The following NKAIN2 variants were observed in gnomAD, a reference collection of about 807,000 sequenced individuals.
NKAIN2 encodes the protein sodium/potassium-transporting ATPase subunit beta-1-interacting protein 2.
Under a neutral mutation model 32.6 loss-of-function variants are expected in NKAIN2, and 14 were observed. The ratio of observed to expected loss-of-function variants is 0.43; its 90% CI spans 0.28 to 0.67. NKAIN2 has a LOEUF of 0.67. Among genes scored for constraint, NKAIN2 ranks in the 30% least tolerant of loss-of-function variants. The pLI is 0.17. For missense variants in NKAIN2, 198 were observed against 258.3 expected, an observed-to-expected ratio of 0.77 and a Z score of 1.60; for synonymous variants, 80 against 87.2, an observed-to-expected ratio of 0.92 and a Z score of 0.46.
intron 3 of NKAIN2, among the ~76,000 whole-genome samples, chr6:124,593,298 C>G (rs1339726917): frequency 1.3e-5 from 2 of 152,058 alleles, no homozygotes; most frequent in Non-Finnish European, 2.9e-5. Flanking sequence ...CAGCATTCTT[C>G]TTATTCTGCA....
intron 1 of NKAIN2, among the ~76,000 whole-genome samples, chr6:123,987,153 TAAG>T (rs1303150760): frequency 1.3e-5 from 2 of 152,130 alleles, no homozygotes; most frequent in African/African-American, 4.8e-5. Flanking sequence ...GCTTCAAAAA[TAAG>T]AAATAGAGAA....
At chr6:124,432,436 C>T (rs975018141) in intron 3 of NKAIN2, among the ~76,000 whole-genome samples, 1 of 151,830 alleles carries the variant, frequency 6.6e-6, no homozygotes, top group Non-Finnish European at 1.5e-5. Flanking sequence ...TTTTAGAGAG[C>T]TCTATTTAAA....
At chr6:124,202,239 A>G (rs1277182770) in intron 1 of NKAIN2, among the ~76,000 whole-genome samples, 1 of 151,946 alleles carries the variant, frequency 6.6e-6, no homozygotes, top group Non-Finnish European at 1.5e-5. Flanking sequence ...TGCACCTGTA[A>G]ATATATTACT....
At chr6:124,710,143 G>C (rs941012814) in intron 4 of NKAIN2, among the ~76,000 whole-genome samples, 7 of 151,494 alleles carry the variant, frequency 4.6e-5, no homozygotes, top group Non-Finnish European at 8.9e-5. Flanking sequence ...GAGCGGTTTT[G>C]AGTGAGATTC....
At chr6:124,749,883 C>A (rs1260649900) in intron 4 of NKAIN2, among the ~76,000 whole-genome samples, 4 of 151,720 alleles carry the variant, frequency 2.6e-5, no homozygotes, top group African/African-American at 7.3e-5. Flanking sequence ...TATAATACAC[C>A]AAAATACTTG....
At chr6:124,320,615 A>G (rs2626120) in intron 2 of NKAIN2, among the ~76,000 whole-genome samples, 64,496 of 152,130 alleles carry the variant, frequency 0.42, 18,501 homozygotes, top group African/African-American at 0.82. Context: ...TTTGTTTATC[A>G]GTAAATCTAT....
intron 4 of NKAIN2, among the ~76,000 whole-genome samples, chr6:124,753,246 T>C (rs1777809838): frequency 6.6e-6 from 1 of 152,160 alleles, no homozygotes; most frequent in South Asian, 2.1e-4. Flanking sequence ...AAGTGTTTCA[T>C]GTCACCTTGT....
chr6:124,025,617 G>C (rs1781074034), intron 1 of NKAIN2, among the ~76,000 whole-genome samples: 1 of 152,114 alleles, frequency 6.6e-6, no homozygotes, highest in South Asian at 2.1e-4. Flanking sequence ...TATCTATTGT[G>C]CATCATGATG....
intron 1 of NKAIN2, among the ~76,000 whole-genome samples, chr6:124,032,792 T>C (rs1192673633): frequency 6.6e-6 from 1 of 152,098 alleles, no homozygotes; most frequent in African/African-American, 2.4e-5. Context: ...TTTTCTGAAA[T>C]ATATATGTAT....
At chr6:124,601,131 A>C (rs1004716293) in intron 3 of NKAIN2, among the ~76,000 whole-genome samples, 2 of 152,096 alleles carry the variant, frequency 1.3e-5, no homozygotes, top group African/African-American at 4.8e-5. Context: ...ATCAAGCTCT[A>C]TGCATAAGGC....
chr6:124,369,920 A>G (rs979029112), intron 3 of NKAIN2, among the ~76,000 whole-genome samples: 13 of 101,016 alleles, frequency 1.3e-4, no homozygotes, highest in African/African-American at 5.3e-4. Flanking sequence ...TCACTCTGGG[A>G]CAATTGATGC....
intron 3 of NKAIN2, among the ~76,000 whole-genome samples, chr6:124,430,109 G>C (rs770678788): frequency 1.3e-5 from 2 of 152,058 alleles, no homozygotes; most frequent in Non-Finnish European, 2.9e-5. Flanking sequence ...AAATTGCCAA[G>C]TGCAATTATT....
At chr6:124,626,031 G>C (rs896928649) in intron 3 of NKAIN2, among the ~76,000 whole-genome samples, 2 of 150,868 alleles carry the variant, frequency 1.3e-5, no homozygotes, top group African/African-American at 4.9e-5. Context: ...CCATGTTGGT[G>C]TGCTGCACCC....
chr6:124,384,728 G>A lies in NKAIN2; in HGVS notation c.273+29381G>A, dbSNP rs138883471. 8.2e-4 allele frequency among the ~76,000 whole-genome samples: 125 copies of A among 152,204 alleles called. 2 individuals are homozygous for A. In the East Asian group the frequency reaches 0.022, roughly 26 times the overall value. On this transcript the variant is annotated intron_variant, in intron 3 of 6. Transcript: ENST00000368417. ...CTCAGCCTCAACCTCCTGGGTTCAA[G>A]CGATCCTTCTCACTTCAGCCTCCTG...
intron 4 of NKAIN2, among the ~76,000 whole-genome samples, chr6:124,686,968 T>G (rs1198578254): frequency 6.6e-6 from 1 of 152,038 alleles, no homozygotes; most frequent in East Asian, 1.9e-4. Flanking sequence ...GGCCTAGGCT[T>G]CCAGCCTACA....
At chr6:123,988,603 C>A (rs1182165169) in intron 1 of NKAIN2, among the ~76,000 whole-genome samples, 2 of 152,182 alleles carry the variant, frequency 1.3e-5, no homozygotes, top group Non-Finnish European at 2.9e-5. Flanking sequence ...TAATAATTCC[C>A]TGTACCTCTT....
At chr6:124,413,925 T>A (rs2114508569) in intron 3 of NKAIN2, among the ~76,000 whole-genome samples, 1 of 152,274 alleles carries the variant, frequency 6.6e-6, no homozygotes, top group South Asian at 2.1e-4. Context: ...CAGAAGCACT[T>A]TTTGTAGATC....
chr6:124,037,697 C>G (rs958370065), intron 1 of NKAIN2, among the ~76,000 whole-genome samples: 3 of 151,950 alleles, frequency 2.0e-5, no homozygotes, highest in Non-Finnish European at 4.4e-5. Flanking sequence ...AACATTTGTC[C>G]GAAGACTACA....
chr6:124,361,695 T>C (rs1799295004), intron 3 of NKAIN2, among the ~76,000 whole-genome samples: 1 of 152,088 alleles, frequency 6.6e-6, no homozygotes, highest in South Asian at 2.1e-4. Context: ...TATAAAAAAG[T>C]CATGTAACAA....
Sources: allele counts gnomAD v4.1 joint callset (sites outside exome capture counted in the v4.1 genomes callset), GRCh38; gene constraint gnomAD v4.1.1; transcripts MANE v1.5; gene names NCBI Gene and HGNC (gene_info 2026-07-23, HGNC 2026-07-21).